The following PLXNA4 variants were observed in gnomAD, a reference collection of about 807,000 sequenced individuals.
PLXNA4 encodes the protein plexin A4.
Under a neutral mutation model 191.8 loss-of-function variants are expected in PLXNA4, and 44 were observed. The observed-to-expected ratio is 0.23, with a 90% CI of 0.18 to 0.29. The LOEUF is 0.29. Among genes scored for constraint, PLXNA4 ranks in the 10% least tolerant of loss-of-function variants. PLXNA4 has a pLI of 1.00. For missense variants in PLXNA4, 1,800 were observed against 2,488.8 expected (o/e 0.72, Z 5.89); for synonymous variants, 1,082 against 1,009.5 (o/e 1.07, Z -1.36).
chr7:132,569,988 T>G (rs1585367269), intron 1 of PLXNA4, among the ~76,000 whole-genome samples: 5 of 152,336 alleles, frequency 3.3e-5, no homozygotes. Flanking sequence ...CATAGCAAAG[T>G]GCTTGTCTTA....
At chr7:132,270,958 T>C (rs1264713119) in intron 4 of PLXNA4, among the ~76,000 whole-genome samples, 1 of 152,224 alleles carries the variant, frequency 6.6e-6, no homozygotes, top group Non-Finnish European at 1.5e-5. Context: ...TCTTATTTTT[T>C]TCTGAGACAC....
chr7:132,555,996 C>A (rs1223021464), intron 1 of PLXNA4, among the ~76,000 whole-genome samples: 2 of 152,236 alleles, frequency 1.3e-5, no homozygotes, highest in African/African-American at 4.8e-5. Flanking sequence ...AAGCCTAGAG[C>A]CCTCTGTGGC....
chr7:132,383,006 T>C (rs527794620), intron 3 of PLXNA4, among the ~76,000 whole-genome samples: 21 of 152,238 alleles, frequency 1.4e-4, no homozygotes, highest in Non-Finnish European at 2.8e-4. Flanking sequence ...GATTTTCCTT[T>C]GTACTTCTTC....
At chr7:132,209,614 G>A (rs1158366592) in intron 10 of PLXNA4, among the ~76,000 whole-genome samples, 14 of 152,162 alleles carry the variant, frequency 9.2e-5, no homozygotes, top group Admixed American at 9.2e-4. Flanking sequence ...TGAGAGCAGT[G>A]ACCAGTTCTA....
chr7:132,390,809 TG>T (rs1459032258), intron 3 of PLXNA4, among the ~76,000 whole-genome samples: 1 of 152,198 alleles, frequency 6.6e-6, no homozygotes, highest in Non-Finnish European at 1.5e-5. Context: ...CCAAGGAGCT[TG>T]TACTTCCTCA....
intron 2 of PLXNA4, among the ~76,000 whole-genome samples, chr7:132,589,199 C>T (rs976332630): frequency 3.1e-4 from 47 of 152,066 alleles, no homozygotes; most frequent in African/African-American, 9.7e-4. Context: ...GGGGACAAAA[C>T]GGTAAACAAA....
chr7:132,410,440 T>C (rs1794407808), intron 3 of PLXNA4, among the ~76,000 whole-genome samples: 1 of 152,186 alleles, frequency 6.6e-6, no homozygotes, highest in African/African-American at 2.4e-5. Flanking sequence ...CTCGCACAGC[T>C]GAGACAGACC....
intron 21 of PLXNA4, among the ~76,000 whole-genome samples, chr7:132,170,948 C>A (rs1796267191): frequency 6.6e-6 from 1 of 152,196 alleles, no homozygotes; most frequent in Non-Finnish European, 1.5e-5. Context: ...TGCTGGCAAA[C>A]CCCTCACCTC....
rs151155282 is a variant in PLXNA4, at chr7:132,361,027, A to G, written c.1372-62805T>C. Among the ~76,000 whole-genome samples, 1,024 of 152,326 alleles carry G rather than the reference A, an allele frequency of 6.7e-3. 6 individuals are homozygous for G. Among genetic ancestry groups the G allele is most frequent in the Non-Finnish European group, 0.011 (735 of 68,026 alleles). The stretch of plus-strand genomic sequence containing the variant: ...ATTGTATTACTTCCAGCTGCCTGAC[A>G]GTCTGCTTGAAGATACTGGCCTTAA... On this transcript the variant is annotated intron_variant, in intron 3 of 31. Coordinates refer to ENST00000321063, the MANE Select transcript of PLXNA4 (RefSeq NM_020911.2).
intron 3 of PLXNA4, among the ~76,000 whole-genome samples, chr7:132,466,199 G>C (rs868311657): frequency 3.3e-5 from 5 of 152,188 alleles, no homozygotes; most frequent in African/African-American, 1.2e-4. Flanking sequence ...CAGTGTGAAA[G>C]GGGGAAATAT....
chr7:132,639,355 C>T (rs146033785), intron 2 of PLXNA4, among the ~76,000 whole-genome samples: 82 of 152,284 alleles, frequency 5.4e-4, no homozygotes, highest in African/African-American at 1.8e-3. Flanking sequence ...CTCTTGCGTC[C>T]TCTGTTTCTA....
rs189484262 is a variant in PLXNA4, at chr7:132,474,450, C to A, written c.1371+14842G>T. On this transcript the variant is annotated intron_variant, in intron 3 of 31. Transcript: ENST00000321063. The stretch of plus-strand genomic sequence containing the variant: ...AGGAGTGAACCTAAGCCTTGCAGAG[C>A]TGAGCCTGCCCCGCCCATCCTGCTT... Among the ~76,000 whole-genome samples, 275 of 152,214 alleles carry A rather than the reference C, an allele frequency of 1.8e-3. 3 individuals carry two copies. The highest frequency in any genetic ancestry group is 6.1e-3 in the African/African-American group (253 of 41,540).
chr7:132,365,268 G>A (rs1804106425), intron 3 of PLXNA4, among the ~76,000 whole-genome samples: 1 of 152,072 alleles, frequency 6.6e-6, no homozygotes, highest in African/African-American at 2.4e-5. Flanking sequence ...TGAGTACACT[G>A]CAGAAGGTGT....
intron 10 of PLXNA4, among the ~76,000 whole-genome samples, chr7:132,205,741 C>A (rs1797595410): frequency 6.6e-6 from 1 of 152,144 alleles, no homozygotes; most frequent in Non-Finnish European, 1.5e-5. Context: ...AGGCTGAGCT[C>A]TGACCTGTAG....
In PLXNA4 at chr7:132,615,935, C is replaced by CTCTCTCTCTCTCTCTT. The variant is rs1287891499; in HGVS notation, c.-87+29992_-87+29993insAAGAGAGAGAGAGAGA. ...TTTTTGACAGATAAAGGATCTCTCT[C>CTCTCTCTCTCTCTCTT]TCTCTCTCTCTCTCTCTCTCTCTCT... On this transcript the variant is annotated intron_variant, in intron 2 of 4. Transcript: ENST00000378539. Among the ~76,000 whole-genome samples, 57 of 146,894 alleles carry CTCTCTCTCTCTCTCTT rather than the reference C, an allele frequency of 3.9e-4. 1 individual carries two copies. The highest frequency in any genetic ancestry group is 7.5e-4 in the Non-Finnish European group (50 of 66,630).
intron 2 of PLXNA4, among the ~76,000 whole-genome samples, chr7:132,617,107 C>T (rs10273918): frequency 0.036 from 5,411 of 152,210 alleles, 324 homozygotes; most frequent in African/African-American, 0.12. Context: ...TGGGGGGTTT[C>T]GTTACATCAG....
intron 22 of PLXNA4, 34 bp from the exon 23 acceptor site, chr7:132,165,234 A>G: frequency 6.2e-7 from 1 of 1,602,578 alleles, no homozygotes; most frequent in Non-Finnish European, 8.5e-7. Context: ...CAACGGAACA[A>G]GACAAAGAAA....
intron 5 of PLXNA4, among the ~76,000 whole-genome samples, chr7:132,229,328 C>T (rs1369315218): frequency 6.6e-6 from 1 of 152,154 alleles, no homozygotes; most frequent in Non-Finnish European, 1.5e-5. Context: ...TCTTGCAGTC[C>T]TAGCTGATGA....
intron 2 of PLXNA4, among the ~76,000 whole-genome samples, chr7:132,627,477 T>TGTC (rs750609451): frequency 2.0e-5 from 3 of 150,596 alleles, no homozygotes; most frequent in South Asian, 2.1e-4. Context: ...TTTCCAAGGT[T>TGTC]GTCTTATTTG....
Sources: gnomAD v4.1 joint callset for allele counts (sites outside exome capture counted in the v4.1 genomes callset) on GRCh38, gnomAD v4.1.1 for gene constraint, MANE v1.5 for transcripts, NCBI Gene and HGNC (gene_info 2026-07-23, HGNC 2026-07-21) for gene names.